Variants in CHODL observed in about 807,000 individuals in gnomAD.
CHODL encodes the protein chondrolectin, also known as transmembrane protein MT75.
A neutral mutation model predicts 34.5 loss-of-function variants in CHODL; 29 were observed. The ratio of observed to expected loss-of-function variants is 0.84; its 90% CI spans 0.63 to 1.15. The LOEUF is 1.15. CHODL is among the 50% of genes most tolerant of loss of function. The probability of loss-of-function intolerance (pLI) is 0.00; values close to 1 mark genes in which losing one functional copy is unlikely to be tolerated. For missense variants in CHODL, 332 were observed against 332.5 expected (o/e 1.00, Z 0.01); for synonymous variants, 125 against 116.1 (o/e 1.08, Z -0.49).
At chr21:17,989,616 T>G (rs197558) in intron 1 of CHODL, among the ~76,000 whole-genome samples, 82,600 of 151,946 alleles carry the variant, frequency 0.54, 23,332 homozygotes, top group African/African-American at 0.69. Flanking sequence ...CATGTGTTTG[T>G]ATTTAAATCT....
intron 2 of CHODL, among the ~76,000 whole-genome samples, chr21:18,131,451 A>AT (rs935980729): frequency 3.9e-5 from 6 of 152,162 alleles, no homozygotes; most frequent in African/African-American, 1.4e-4. Context: ...ATTTACGAAC[A>AT]TTTTGTTTAA....
intron 2 of CHODL, among the ~76,000 whole-genome samples, chr21:18,202,877 A>C (rs1253847780): frequency 6.6e-6 from 1 of 152,132 alleles, no homozygotes. Flanking sequence ...TAGACAGTAA[A>C]TATGCTGGCT....
At chr21:18,214,140 C>G (rs148827389) in intron 2 of CHODL, among the ~76,000 whole-genome samples, 35 of 152,098 alleles carry the variant, frequency 2.3e-4, no homozygotes, top group African/African-American at 8.4e-4. Context: ...ATCCAATTTC[C>G]TTATTACTGG....
intron 2 of CHODL, among the ~76,000 whole-genome samples, chr21:18,062,063 T>C (rs184570991): frequency 2.6e-5 from 4 of 152,210 alleles, no homozygotes; most frequent in Admixed American, 2.0e-4. Flanking sequence ...GAAGTTGCCA[T>C]AGAGCAACAG....
intron 2 of CHODL, among the ~76,000 whole-genome samples, chr21:18,181,779 A>G: frequency 6.6e-6 from 1 of 152,202 alleles, no homozygotes; most frequent in East Asian, 1.9e-4. Context: ...TTTTATATGA[A>G]TGGAATCATA....
chr21:18,041,963 A>AT (rs920027592), intron 2 of CHODL, among the ~76,000 whole-genome samples: 12 of 151,726 alleles, frequency 7.9e-5, no homozygotes, highest in East Asian at 2.0e-4. Flanking sequence ...AGCTGAATAT[A>AT]TTTTTTTTAA....
At chr21:18,062,149 G>T (rs1444620762) in intron 2 of CHODL, among the ~76,000 whole-genome samples, 1 of 152,162 alleles carries the variant, frequency 6.6e-6, no homozygotes, top group Non-Finnish European at 1.5e-5. Flanking sequence ...CGTGAGTTCA[G>T]TGACAAGACT....
intron 2 of CHODL, among the ~76,000 whole-genome samples, chr21:18,188,989 AT>A (rs1407432201): frequency 6.6e-6 from 1 of 152,152 alleles, no homozygotes; most frequent in African/African-American, 2.4e-5. Flanking sequence ...TTGCAGTACT[AT>A]TTTTTTGTAT....
chr21:18,097,630 A>C (rs1299186976), intron 2 of CHODL, among the ~76,000 whole-genome samples: 1 of 152,148 alleles, frequency 6.6e-6, no homozygotes, highest in Non-Finnish European at 1.5e-5. Flanking sequence ...TATTATTAAA[A>C]TATCCATACT....
chr21:17,925,352 C>T (rs1285138109), intron 1 of CHODL, among the ~76,000 whole-genome samples: 1 of 152,160 alleles, frequency 6.6e-6, no homozygotes, highest in Non-Finnish European at 1.5e-5. Flanking sequence ...TTTGATTGCT[C>T]AGGTGGAGAA....
intron 1 of CHODL, among the ~76,000 whole-genome samples, chr21:18,252,986 T>TA (rs1367410005): frequency 6.6e-6 from 1 of 152,170 alleles, no homozygotes; most frequent in South Asian, 2.1e-4. Context: ...TTAGTTATTT[T>TA]AAATATAATC....
chr21:18,033,944 C>G (rs1408615321), intron 2 of CHODL, among the ~76,000 whole-genome samples: 1 of 151,842 alleles, frequency 6.6e-6, no homozygotes, highest in Non-Finnish European at 1.5e-5. Context: ...AAGAAAAAAC[C>G]TTATAACATC....
At chr21:18,223,812 C>T (rs933415911) in intron 2 of CHODL, among the ~76,000 whole-genome samples, 2 of 152,090 alleles carry the variant, frequency 1.3e-5, no homozygotes, top group African/African-American at 2.4e-5. Flanking sequence ...CTCGAACCAA[C>T]GTTGACTAAT....
At chr21:18,212,488 T>G (rs1215125976) in intron 2 of CHODL, among the ~76,000 whole-genome samples, 1 of 152,136 alleles carries the variant, frequency 6.6e-6, no homozygotes, top group Non-Finnish European at 1.5e-5. Context: ...AAACATGCAT[T>G]TACAATTTTA....
intron 2 of CHODL, among the ~76,000 whole-genome samples, chr21:18,146,555 G>A (rs990051196): frequency 8.6e-5 from 13 of 152,042 alleles, no homozygotes; most frequent in South Asian, 6.2e-4. Context: ...GAAGAGGGAC[G>A]TTGTTTGCTT....
chr21:17,942,879 T>G (rs1033438127), intron 1 of CHODL, among the ~76,000 whole-genome samples: 4 of 152,186 alleles, frequency 2.6e-5, no homozygotes, highest in Admixed American at 6.5e-5. Context: ...TGGAATTCCC[T>G]CTTGCTGTTC....
At chr21:18,018,921 T>C (rs35765534) in intron 1 of CHODL, among the ~76,000 whole-genome samples, 1 of 152,242 alleles carries the variant, frequency 6.6e-6, no homozygotes, top group Non-Finnish European at 1.5e-5. Context: ...CCTTGCTTGG[T>C]TGATCTATTA....
intron 2 of CHODL, among the ~76,000 whole-genome samples, chr21:18,069,347 A>G (rs2064768677): frequency 6.6e-6 from 1 of 152,016 alleles, no homozygotes; most frequent in Admixed American, 6.6e-5. Context: ...CCCATTTCGT[A>G]TTCTATCATT....
intron 2 of CHODL, among the ~76,000 whole-genome samples, chr21:18,128,419 C>A (rs563259131): frequency 5.5e-4 from 80 of 146,624 alleles, no homozygotes; most frequent in African/African-American, 1.8e-3. Flanking sequence ...ACTATATGAT[C>A]AAATTGTTGG....
Sources: gnomAD v4.1 joint callset for allele counts (sites outside exome capture counted in the v4.1 genomes callset) on GRCh38, gnomAD v4.1.1 for gene constraint, MANE v1.5 for transcripts, NCBI Gene and HGNC (gene_info 2026-07-23, HGNC 2026-07-21) for gene names.